The following SPATC1 variants were observed in gnomAD, a reference collection of about 807,000 sequenced individuals.
The protein encoded by SPATC1 is speriolin.
SPATC1 carries 35 observed loss-of-function variants against 36.5 expected under a neutral mutation model. The ratio of observed to expected loss-of-function variants is 0.96; its 90% CI spans 0.73 to 1.27. The LOEUF (loss-of-function observed/expected upper bound fraction) is 1.27, where lower values mean the gene tolerates loss of function less well. SPATC1 is among the 50% of genes most tolerant of loss of function. The pLI, the probability that SPATC1 is intolerant of heterozygous loss-of-function variation, is 0.00. For synonymous variants in SPATC1, 361 were observed against 353.6 expected (o/e 1.02, Z -0.24); for missense variants, 779 against 796.0 (o/e 0.98, Z 0.26).
At chr8:144,026,638 A>T (rs1834682975) in intron 1 of SPATC1, among the ~76,000 whole-genome samples, 1 of 152,194 alleles carries the variant, frequency 6.6e-6, no homozygotes, top group South Asian at 2.1e-4. Flanking sequence ...TTAAAATCAT[A>T]ACCATCCTAG....
chr8:144,020,577 C>T (rs1469466057), intron 1 of SPATC1, among the ~76,000 whole-genome samples: 6 of 150,746 alleles, frequency 4.0e-5, no homozygotes, highest in Non-Finnish European at 7.4e-5. Flanking sequence ...CCCTCAGGAC[C>T]TTCTCCCCTC....
intron 1 of SPATC1, among the ~76,000 whole-genome samples, chr8:144,039,465 G>C (rs1835002154): frequency 6.6e-6 from 1 of 152,234 alleles, no homozygotes; most frequent in South Asian, 2.1e-4. Flanking sequence ...TGGTCAGGAG[G>C]CCTGGGCCCT....
chr8:144,039,197 G>A (rs182310085), intron 1 of SPATC1, among the ~76,000 whole-genome samples: 11 of 152,296 alleles, frequency 7.2e-5, no homozygotes, highest in African/African-American at 1.9e-4. Flanking sequence ...CTGCATCCCC[G>A]GGGATCAGGG....
At chr8:144,042,520 C>G (rs1421724210) in intron 4 of SPATC1, among the ~76,000 whole-genome samples, 6 of 151,460 alleles carry the variant, frequency 4.0e-5, no homozygotes, top group African/African-American at 1.5e-4. Context: ...CGGGGTTTCT[C>G]CATGTTGGCC....
rs552645956 is a variant in SPATC1 at position 144,045,917 on chromosome 8, G to A, written c.1447-710G>A. Among the ~76,000 whole-genome samples the A allele has an allele frequency of 1.5e-4, 23 of 152,344 alleles. No homozygotes were observed. The highest frequency in any genetic ancestry group is 3.3e-4 in the Admixed American group (5 of 15,312). On this transcript the variant is annotated intron_variant, in intron 4 of 4. Transcript: ENST00000377470. This position sits in a 1 kb window ranked among gnomAD's most constrained non-coding sequence, Gnocchi z 5.2. ...CCTTCATGATTACATGCCTTAGGGC[G>A]GGAGCCAGTCACTGCCTGGCTGGTG...
chr8:144,027,823 T>A (rs1246206577), intron 1 of SPATC1, among the ~76,000 whole-genome samples: 3 of 151,898 alleles, frequency 2.0e-5, no homozygotes, highest in East Asian at 3.9e-4. Context: ...TGAAATCCCA[T>A]CTCTACTAAA....
At chr8:144,031,450 CT>C (rs1176896425) in intron 1 of SPATC1, among the ~76,000 whole-genome samples, 7 of 116,684 alleles carry the variant, frequency 6.0e-5, no homozygotes, top group Admixed American at 9.7e-5. Flanking sequence ...ATTTTTTTTT[CT>C]TTTTTTTTTT....
intron 1 of SPATC1, among the ~76,000 whole-genome samples, chr8:144,036,394 G>A (rs899663964): frequency 4.6e-5 from 7 of 152,134 alleles, no homozygotes; most frequent in South Asian, 4.1e-4. Flanking sequence ...GCACGATCAC[G>A]GCTCACCACA....
rs1185962804 is a variant in SPATC1 at position 144,045,163 on chromosome 8, A to G, written c.1447-1464A>G. Among the ~76,000 whole-genome samples the G allele has an allele frequency of 1.3e-5, 2 of 152,228 alleles. No individual in the cohort carries two copies. The highest frequency in any genetic ancestry group is 4.8e-5 in the African/African-American group (2 of 41,458). ...CAGTGTGATGCAGAAGCAGCCGTTG[A>G]GCACGGCTGTCCACGGGCCCTCACT... is the stretch of plus-strand genomic sequence containing the variant. On this transcript the variant is annotated intron_variant, in intron 4 of 4. Transcript: ENST00000377470. This position sits in a 1 kb window ranked among gnomAD's most constrained non-coding sequence, Gnocchi z 5.2.
intron 4 of SPATC1, among the ~76,000 whole-genome samples, chr8:144,044,370 T>C (rs536253427): frequency 1.9e-4 from 29 of 151,428 alleles, no homozygotes; most frequent in East Asian, 3.9e-4. Flanking sequence ...GGCGCGATCT[T>C]GGCTCACTGC....
intron 1 of SPATC1, 62 bp downstream of exon 1, chr8:144,012,788 A>G: frequency 6.6e-7 from 1 of 1,524,640 alleles, no homozygotes; most frequent in Non-Finnish European, 8.9e-7. Context: ...GAGAGGAGAG[A>G]CTCAGTGTGC....
rs1456216565 is a variant in SPATC1 at position 144,024,505 on chromosome 8, G to A, written c.211+11779G>A. Among the ~76,000 whole-genome samples the A allele has an allele frequency of 4.1e-5, 3 of 72,810 alleles. No homozygotes were observed. In the East Asian group the frequency reaches 1.4e-3, roughly 33 times the overall value. 47.8% of individuals were successfully genotyped at this position (72,810 alleles called of 152,430 possible). A position where few individuals can be genotyped will look rare whatever the true frequency, so the allele number is the denominator to read the frequency against. ...TGAAACTCCCCTCAGGACCCCCCTT[G>A]GGATCCTCTCCCCTCAAGACCCCCT... On this transcript the variant is annotated intron_variant, in intron 1 of 4. Coordinates refer to ENST00000377470, the MANE Select transcript of SPATC1 (RefSeq NM_198572.3).
At chr8:144,014,202 G>A (rs1834334993) in intron 1 of SPATC1, among the ~76,000 whole-genome samples, 2 of 152,132 alleles carry the variant, frequency 1.3e-5, no homozygotes, top group East Asian at 3.9e-4. Flanking sequence ...AGTGAGCCGA[G>A]GTTGCGCCAT....
At chr8:144,015,578 C>G (rs1554753086) in intron 1 of SPATC1, among the ~76,000 whole-genome samples, 3 of 149,198 alleles carry the variant, frequency 2.0e-5, no homozygotes, top group Non-Finnish European at 4.5e-5. Flanking sequence ...CCCATCTCTA[C>G]TACAAATACA....
intron 1 of SPATC1, among the ~76,000 whole-genome samples, chr8:144,037,318 A>G (rs529656013): frequency 3.3e-5 from 5 of 151,490 alleles, no homozygotes; most frequent in South Asian, 2.1e-4. Context: ...TGGGAGGTGT[A>G]CCCAACAACT....
Position 144,046,797 on chromosome 8 carries a change from G to A in SPATC1, c.1617G>A (p.Pro539=), listed in dbSNP as rs782173214. ...CTTATGGCATCCTGCGAGAGCGCCC[G>A]GAGCTGGCGGCGTCTGAGGGCGGCC... is the stretch of plus-strand genomic sequence containing the variant. The part of the protein sequence containing the change: ...VNAYGILRER[P]ELAASEGGPY... The change falls in exon 5 of 5, where the codon CCG becomes CCA. Residue 539 remains proline (P), a synonymous_variant. Transcript: ENST00000377470. The surrounding 1 kb of genome is among the most constrained non-coding windows in gnomAD (Gnocchi z 6.6). 4.9e-5 allele frequency: 78 copies of A among 1,607,472 alleles called. No homozygotes were observed. The highest frequency in any genetic ancestry group is 3.7e-4 in the African/African-American group (28 of 74,930).
rs1294957432 is a variant in SPATC1, at chr8:144,040,117, C to T, written c.420C>T (p.Phe140=). The T allele has an allele frequency of 8.1e-6, 13 of 1,610,434 alleles. No individual in the cohort carries two copies. The highest frequency in any genetic ancestry group is 1.1e-5 in the Non-Finnish European group (13 of 1,179,498). Residue 140 remains phenylalanine (F), a synonymous_variant, in exon 2 of 5, where the codon TTC becomes TTT. Coordinates refer to ENST00000377470, the MANE Select transcript of SPATC1 (RefSeq NM_198572.3). ...CACAGAGCAGCCCCCTCACCAGCTT[C>T]CTGACCAGTCCCATTGCGGGACCCC... ...PTSQSSPLTS[F]LTSPIAGPLT...
chr8:144,034,342 G>A (rs939194689), intron 1 of SPATC1, among the ~76,000 whole-genome samples: 6 of 151,908 alleles, frequency 3.9e-5, no homozygotes, highest in African/African-American at 1.5e-4. Context: ...GCCTGGCTTT[G>A]TTTGCTAAGT....
rs782390458 is a variant in SPATC1, at chr8:144,040,601, A to G, written c.800A>G (p.Gln267Arg). ...PLSTEPPQSTQDPEPLSMAFA... is the reference protein window; with the variant it reads ...PLSTEPPQSTRDPEPLSMAFA... ...TCCACTGAGCCCCCCCAGTCGACCC[A>G]GGACCCAGAGCCTCTCAGCATGGCG... is the stretch of plus-strand genomic sequence containing the variant. The change falls in exon 3 of 5, where the codon CAG (glutamine) becomes CGG (arginine). Residue 267 changes from glutamine to arginine, a missense_variant. Gln to Arg is a conservative substitution (Grantham distance 43). Coordinates refer to ENST00000377470, the MANE Select transcript of SPATC1 (RefSeq NM_198572.3). 6.2e-7 allele frequency: 1 copy of G among 1,603,740 alleles called. No individual in the cohort carries two copies. The highest frequency in any genetic ancestry group is 1.1e-5 in the South Asian group (1 of 90,090).
Sources: allele counts gnomAD v4.1 joint callset (sites outside exome capture counted in the v4.1 genomes callset), GRCh38; gene constraint gnomAD v4.1.1; non-coding constraint Gnocchi (gnomAD v3.1); transcripts MANE v1.5; gene names NCBI Gene and HGNC (gene_info 2026-07-23, HGNC 2026-07-21).